Variants in CNNM4 observed in about 807,000 individuals in gnomAD.
The protein encoded by CNNM4 is cyclin and CBS domain divalent metal cation transport mediator 4.
In CNNM4, 32 loss-of-function variants were observed where a neutral mutation model predicts 53.7. The observed-to-expected ratio is 0.60, with a 90% CI of 0.45 to 0.80. The LOEUF is 0.80. CNNM4 is among the 30% of genes least tolerant of loss of function. The probability of loss-of-function intolerance (pLI) is 0.00; values close to 1 mark genes in which losing one functional copy is unlikely to be tolerated. For missense variants in CNNM4, 784 were observed against 1,022.0 expected, an observed-to-expected ratio of 0.77 and a Z score of 3.17; for synonymous variants, 410 against 440.0, an observed-to-expected ratio of 0.93 and a Z score of 0.85.
At chr2:96,773,000 A>G (rs1206918464) in intron 1 of CNNM4, among the ~76,000 whole-genome samples, 2 of 152,050 alleles carry the variant, frequency 1.3e-5, no homozygotes, top group Admixed American at 1.3e-4. Context: ...CCAGATGCAC[A>G]GGCAGGGCCA....
chr2:96,797,377 C>A lies in CNNM4; in HGVS notation c.1547-136C>A. The A allele has an allele frequency of 1.4e-6, 2 of 1,438,286 alleles. No individual in the cohort carries two copies. Among genetic ancestry groups the A allele is most frequent in the Non-Finnish European group, 1.9e-6 (2 of 1,034,348 alleles). The allele number at this position is 1,438,286 out of a possible 1,614,324, so 89.1% of individuals were successfully genotyped here. ...CGGCCTTTGTGCCTCGGCGTCAGCC[C>A]AGGACCCTGCCAGCCAGAGCCTGCT... On this transcript the variant is annotated intron_variant, in intron 2 of 6. Transcript: ENST00000377075. This position sits in a 1 kb window ranked among gnomAD's most constrained non-coding sequence, Gnocchi z 6.0.
chr2:96,776,995 CT>C (rs2078930845), intron 1 of CNNM4, among the ~76,000 whole-genome samples: 1 of 151,822 alleles, frequency 6.6e-6, no homozygotes, highest in Non-Finnish European at 1.5e-5. Context: ...TTTGACTATT[CT>C]TTTTATTTGT....
intron 1 of CNNM4, among the ~76,000 whole-genome samples, chr2:96,788,406 A>G (rs1485930322): frequency 1.3e-5 from 2 of 151,910 alleles, no homozygotes. Context: ...TGTCTCTGGG[A>G]GGAAGGGAGC....
At chr2:96,768,656 G>A (rs1019466606) in intron 1 of CNNM4, among the ~76,000 whole-genome samples, 5 of 152,206 alleles carry the variant, frequency 3.3e-5, no homozygotes, top group African/African-American at 1.2e-4. Flanking sequence ...TGAGGGCAGA[G>A]GGAGGTAAGT....
In CNNM4 at chr2:96,797,140, G is replaced by A; in HGVS notation, c.1531G>A (p.Glu511Lys). The A allele has an allele frequency of 2.5e-6, 4 of 1,614,124 alleles. No homozygotes were observed. The highest frequency in any genetic ancestry group is 1.3e-5 in the African/African-American group (1 of 75,048). The change falls in exon 2 of 7, where the codon GAG (glutamate) becomes AAG (lysine). Residue 511 changes from glutamate (E) to lysine (K), a missense_variant. Physicochemically the swap from Glu to Lys is moderately conservative, Grantham distance 56 (BLOSUM62 1). This residue lies in a region of CNNM4 where 307 missense variants were observed against 376.3 expected (regional missense o/e 0.82). Transcript: ENST00000377075. The surrounding 1 kb of genome is among the most constrained non-coding windows in gnomAD (Gnocchi z 6.0). ...GATCATCAAGTCGGAGATCCTGGAC[G>A]AGTCCGACATGTACAGTGAGTCCAG... ...EEIIKSEILD[E>K]SDMYTDNRSR...
chr2:96,791,912 G>A (rs775210638), intron 1 of CNNM4, among the ~76,000 whole-genome samples: 3 of 151,476 alleles, frequency 2.0e-5, no homozygotes, highest in African/African-American at 4.9e-5. Flanking sequence ...GGAGTCACTC[G>A]CTCTGTTGCC....
intron 1 of CNNM4, among the ~76,000 whole-genome samples, chr2:96,764,205 C>G (rs987371815): frequency 2.6e-5 from 4 of 152,144 alleles, no homozygotes; most frequent in Admixed American, 2.6e-4. Context: ...GGGCTGAGCT[C>G]TCTTGGGTTG....
chr2:96,805,440 A>AAATTTTTTTTTTTTTTT (rs2079194974), intron 5 of CNNM4, among the ~76,000 whole-genome samples: 8 of 87,458 alleles, frequency 9.1e-5, no homozygotes, highest in Admixed American at 2.5e-4. Context: ...TTTTTTTTTT[A>AAATTTTTTTTTTTTTTT]TTATTTTTTT....
chr2:96,795,487 ACCC>A (rs5832819), intron 1 of CNNM4, among the ~76,000 whole-genome samples: 1 of 137,018 alleles, frequency 7.3e-6, no homozygotes, highest in Admixed American at 7.4e-5. Flanking sequence ...ACAATGCAGT[ACCC>A]CCCCCCCCAT....
chr2:96,781,946 A>G (rs557700630), intron 1 of CNNM4, among the ~76,000 whole-genome samples: 3 of 152,260 alleles, frequency 2.0e-5, no homozygotes, highest in East Asian at 3.9e-4. Flanking sequence ...AATTTTTATG[A>G]TGAATAGGTG....
At chr2:96,799,673 C>T in intron 5 of CNNM4, 25 bp downstream of exon 5, 1 of 1,518,086 alleles carries the variant, frequency 6.6e-7, no homozygotes, top group Non-Finnish European at 9.0e-7. Flanking sequence ...ATGGTCTTTG[C>T]TGCCCTTTGG....
rs1443934705 is a variant in CNNM4 at position 96,801,322 on chromosome 2, C to G, written c.1948+1674C>G. Among the ~76,000 whole-genome samples, 2 of 152,090 alleles carry G rather than the reference C, an allele frequency of 1.3e-5. No individual in the cohort carries two copies. Among genetic ancestry groups the G allele is most frequent in the East Asian group, 3.8e-4 (2 of 5,200 alleles). ...GCTGCCTCAGCTCTAGAAGGGGCCC[C>G]CAAAGATCTCTTGGTGCTTGAGATC... On this transcript the variant is annotated intron_variant, in intron 5 of 6. Transcript: ENST00000377075. The surrounding 1 kb of genome is among the most constrained non-coding windows in gnomAD (Gnocchi z 5.6).
intron 5 of CNNM4, among the ~76,000 whole-genome samples, chr2:96,806,506 A>AACACACACACACACACACAC (rs151020163): frequency 4.4e-5 from 6 of 135,374 alleles, no homozygotes; most frequent in African/African-American, 1.4e-4. Flanking sequence ...CTAGCTATCC[A>AACACACACACACACACACAC]ACACACACAC....
rs150269409 is a variant in CNNM4 at position 96,761,787 on chromosome 2, A to G, written c.788A>G (p.Asn263Ser). 1.0e-4 allele frequency: 164 copies of G among 1,612,898 alleles called. No individual in the cohort carries two copies. The African/African-American group carries it at 1.7e-3, about 17-fold the overall frequency. The change falls in exon 1 of 7, where the codon AAC (asparagine) becomes AGC (serine). Residue 263 changes from asparagine to serine, a missense_variant. Physicochemically the swap from Asn to Ser is conservative, Grantham distance 46. Around this residue, in one of 3 missense-constraint regions of CNNM4, gnomAD observed 473 missense variants for 624.6 expected, o/e 0.76. Coordinates refer to ENST00000377075, the MANE Select transcript of CNNM4 (RefSeq NM_020184.4). The surrounding 1 kb of genome is among the most constrained non-coding windows in gnomAD (Gnocchi z 6.0). ...ACCTCCCTCACAATCCTTCTAGACAACCTCATCGGGTCCGGCCTCATGGCG... is the reference window on the plus strand; with the variant it reads ...ACCTCCCTCACAATCCTTCTAGACAGCCTCATCGGGTCCGGCCTCATGGCG... The part of the protein sequence containing the change: ...VNTSLTILLD[N>S]LIGSGLMAVA...
At chr2:96,765,817 G>A (rs543354910) in intron 1 of CNNM4, among the ~76,000 whole-genome samples, 49 of 145,286 alleles carry the variant, frequency 3.4e-4, no homozygotes, top group African/African-American at 8.5e-4. Flanking sequence ...TTTTTGAGAC[G>A]GAGTTTCGCT....
intron 1 of CNNM4, among the ~76,000 whole-genome samples, chr2:96,783,604 T>C (rs1253134086): frequency 1.3e-5 from 2 of 152,220 alleles, no homozygotes; most frequent in Admixed American, 1.3e-4. Context: ...CTAATTGTCC[T>C]GACTGTGTCT....
intron 1 of CNNM4, among the ~76,000 whole-genome samples, chr2:96,775,644 A>G (rs2078917514): frequency 6.6e-6 from 1 of 152,218 alleles, no homozygotes; most frequent in South Asian, 2.1e-4. Context: ...TATCCCTACC[A>G]ACTCTGGTAT....
rs2079139733 is a variant in CNNM4 at position 96,799,564 on chromosome 2, G to A, written c.1864G>A (p.Val622Met). 2 of 1,554,916 alleles carry A rather than the reference G, an allele frequency of 1.3e-6. No homozygotes were observed. The highest frequency in any genetic ancestry group is 1.2e-5 in the South Asian group (1 of 84,206). The change falls in exon 5 of 7, where the codon GTG becomes ATG. Residue 622 changes from valine to methionine, a missense_variant. By Grantham distance (21) the Val-to-Met change is conservative. This residue lies in a region of CNNM4 where 307 missense variants were observed against 376.3 expected (regional missense o/e 0.82). Coordinates refer to ENST00000377075, the MANE Select transcript of CNNM4 (RefSeq NM_020184.4). ...TGTGTTTTTTCAGGGGAAGGTGGAG[G>A]TGGAGGCAGGGAAGGAGAACATGAA... ...FILILQGKVE[V>M]EAGKENMKFE...
At chr2:96,796,954 G>T (rs1398876711) in intron 1 of CNNM4, 58 bp from the exon 2 acceptor site, 1 of 1,587,532 alleles carries the variant, frequency 6.3e-7, no homozygotes, top group African/African-American at 1.3e-5. Flanking sequence ...TGTTTTGGTT[G>T]AGGGAGTCTC....
Sources: gnomAD v4.1 joint callset for allele counts (sites outside exome capture counted in the v4.1 genomes callset) on GRCh38, gnomAD v4.1.1 for gene constraint, gnomAD v4.1.1 regional missense constraint, Gnocchi (gnomAD v3.1) non-coding constraint, MANE v1.5 for transcripts, NCBI Gene and HGNC (gene_info 2026-07-23, HGNC 2026-07-21) for gene names.